ATP2C2: variants seen among roughly 807,000 people sequenced by gnomAD.
ATP2C2 encodes ATPase secretory pathway Ca2+ transporting 2, also known as calcium-transporting ATPase type 2C member 2.
In ATP2C2, 171 loss-of-function variants were observed where a neutral mutation model predicts 110.8. The ratio of observed to expected loss-of-function variants is 1.54; its 90% CI spans 1.36 to 1.75. The LOEUF (loss-of-function observed/expected upper bound fraction) is 1.75, where lower values mean the gene tolerates loss of function less well. ATP2C2 is among the 40% of genes most tolerant of loss of function. The probability of loss-of-function intolerance (pLI) is 0.00; values close to 1 mark genes in which losing one functional copy is unlikely to be tolerated. For missense variants in ATP2C2, 1,963 were observed against 1,235.0 expected (o/e 1.59, Z -8.84); for synonymous variants, 804 against 508.4 (o/e 1.58, Z -7.82).
Position 84,462,052 on chromosome 16 carries a change from C to T in ATP2C2, c.2645C>T (p.Ser882Phe). ...ATGTTCCTCTACTCCGTCCTGGGGT[C>T]CATCCTGGGGCAGCTGGCGGTCATT... is the stretch of plus-strand genomic sequence containing the variant. ...NHMFLYSVLG[S>F]ILGQLAVIYI... Residue 882 changes from serine (S) to phenylalanine (F), a missense_variant, in exon 26 of 27, where the codon TCC becomes TTC. Coordinates refer to ENST00000262429, the MANE Select transcript of ATP2C2 (RefSeq NM_014861.4). 1.9e-6 allele frequency: 3 copies of T among 1,614,104 alleles called. No homozygotes were observed. The highest frequency in any genetic ancestry group is 2.5e-6 in the Non-Finnish European group (3 of 1,179,980).
At chr16:84,433,119 C>T (rs1162301134) in intron 11 of ATP2C2, among the ~76,000 whole-genome samples, 1 of 152,172 alleles carries the variant, frequency 6.6e-6, no homozygotes, top group African/African-American at 2.4e-5. Context: ...GTGGCTCACA[C>T]CTGTAATCCT....
In ATP2C2 at chr16:84,368,656, G is replaced by C. The variant is rs1019657377; in HGVS notation, c.41G>C (p.Gly14Ala). The C allele has an allele frequency of 3.8e-6, 6 of 1,564,872 alleles. No individual in the cohort carries two copies. The highest frequency in any genetic ancestry group is 5.2e-6 in the Non-Finnish European group (6 of 1,156,860). Residue 14 changes from glycine (G) to alanine (A), a missense_variant, in exon 1 of 27, where the codon GGC (glycine) becomes GCC (alanine). Physicochemically the swap from Gly to Ala is moderately conservative, Grantham distance 60 (BLOSUM62 0). Transcript: ENST00000262429. The stretch of plus-strand genomic sequence containing the variant: ...GTCTCCGAGTTCCTGAAGAAACTCG[G>C]CTTCTCGGGCGGGGGCCGCCAGTAC... ...GRVSEFLKKL[G>A]FSGGGRQYQA...
At chr16:84,430,303 C>T (rs2875891) in intron 11 of ATP2C2, among the ~76,000 whole-genome samples, 45,820 of 152,074 alleles carry the variant, frequency 0.3, 7,238 homozygotes, top group Non-Finnish European at 0.35. Flanking sequence ...CCCGTCTACG[C>T]GAACGGCAAA....
intron 23 of ATP2C2, chr16:84,459,589 C>A (rs1399703949): frequency 6.5e-7 from 1 of 1,535,862 alleles, no homozygotes; most frequent in African/African-American, 1.4e-5. Context: ...GCCGGCAGAG[C>A]TGGGTGAGGA....
At chr16:84,412,399 T>C (rs1597789436) in intron 6 of ATP2C2, among the ~76,000 whole-genome samples, 3 of 139,058 alleles carry the variant, frequency 2.2e-5, no homozygotes, top group African/African-American at 8.0e-5. Flanking sequence ...TGTCTGTGTG[T>C]GTCTGTGCAT....
At chr16:84,426,659 G>C (rs1907839243) in intron 11 of ATP2C2, among the ~76,000 whole-genome samples, 1 of 152,148 alleles carries the variant, frequency 6.6e-6, no homozygotes, top group Non-Finnish European at 1.5e-5. Flanking sequence ...AAAGGAGTTA[G>C]TCTGTGCAAG....
chr16:84,422,783 T>G, intron 9 of ATP2C2, 86 bp downstream of exon 9: 1 of 1,371,542 alleles, frequency 7.3e-7, no homozygotes, highest in Non-Finnish European at 1.0e-6. Context: ...TGCCTACTCC[T>G]TAGGAATGAG....
In ATP2C2 at chr16:84,460,698, C is replaced by T. The variant is rs757310826; in HGVS notation, c.2378C>T (p.Pro793Leu). The T allele has an allele frequency of 8.7e-6, 14 of 1,614,208 alleles. No homozygotes were observed. In the South Asian group the frequency reaches 9.9e-5, roughly 11 times the overall value. Residue 793 changes from proline (P) to leucine (L), a missense_variant, in exon 24 of 27, where the codon CCA becomes CTA. Physicochemically the swap from Pro to Leu is moderately conservative, Grantham distance 98 (BLOSUM62 -3). Transcript: ENST00000262429. ...PVDKDAFRQP[P>L]RSVRDTILSR... ...GACAAAGACGCCTTCAGGCAGCCAC[C>T]ACGGAGTGTGCGGGACACCATCCTC... is the stretch of plus-strand genomic sequence containing the variant.
rs747291890 is a variant in ATP2C2 at position 84,459,411 on chromosome 16, CTG to C, written c.2333+29_2333+30del. On this transcript the variant is annotated intron_variant, in intron 23 of 26. Transcript: ENST00000262429. ...GGTGAGGCAGGGCCGGCTGGGAGCC[CTG>C]TGTCTCTTTACCCACCTGCGGGGCT... 6.2e-6 allele frequency: 10 copies of C among 1,610,890 alleles called. No homozygotes were observed. In the South Asian group the frequency reaches 9.9e-5, roughly 16 times the overall value.
chr16:84,432,013 G>A (rs548926217), intron 11 of ATP2C2, among the ~76,000 whole-genome samples: 3 of 152,278 alleles, frequency 2.0e-5, no homozygotes, highest in South Asian at 2.1e-4. Flanking sequence ...GTCTCCCGCC[G>A]AGCTGAAGAA....
In ATP2C2 at chr16:84,439,646, T is replaced by A. The variant is rs1385073950; in HGVS notation, c.1209+122T>A. On this transcript the variant is annotated intron_variant, in intron 13 of 26. Transcript: ENST00000262429. ...GAAGAAATAAATTGGGGTCATCTTA[T>A]AATCTCCTTGCTAACATGACTGATT... 6.4e-6 allele frequency: 6 copies of A among 936,620 alleles called. No individual in the cohort carries two copies. The African/African-American group carries it at 8.1e-5, about 13-fold the overall frequency. 58.0% of individuals were successfully genotyped at this position (936,620 alleles called of 1,614,324 possible).
intron 7 of ATP2C2, among the ~76,000 whole-genome samples, chr16:84,418,680 G>C (rs1465618015): frequency 6.6e-6 from 1 of 152,114 alleles, no homozygotes; most frequent in East Asian, 1.9e-4. Context: ...ACATGACCCC[G>C]GGCCTCTAGC....
At chr16:84,431,575 C>T (rs979469247) in intron 11 of ATP2C2, among the ~76,000 whole-genome samples, 2 of 151,346 alleles carry the variant, frequency 1.3e-5, no homozygotes, top group African/African-American at 2.4e-5. Flanking sequence ...GTTGAGGAGT[C>T]AGGAGATGAG....
intron 21 of ATP2C2, among the ~76,000 whole-genome samples, chr16:84,458,679 G>A (rs78078597): frequency 1.2e-3 from 178 of 152,296 alleles, no homozygotes; most frequent in Non-Finnish European, 1.9e-3. Flanking sequence ...AGAAGCAGGC[G>A]ATGTCCTTCA....
chr16:84,442,407 C>T (rs1482320844), intron 14 of ATP2C2, 103 bp from the exon 15 acceptor site: 1 of 1,063,760 alleles, frequency 9.4e-7, no homozygotes, highest in East Asian at 2.4e-5. Context: ...AAGAGCAAGT[C>T]TTGTCCCCAC....
Position 84,411,565 on chromosome 16 carries a change from C to T in ATP2C2, c.515+800C>T, listed in dbSNP as rs1906293312. 2.0e-5 allele frequency among the ~76,000 whole-genome samples: 3 copies of T among 152,086 alleles called. No homozygotes were observed. The South Asian group carries it at 6.2e-4, about 32-fold the overall frequency. On this transcript the variant is annotated intron_variant, in intron 6 of 26. Transcript: ENST00000262429. ...CAAGCAGTTCTCCTGCCTCAGCCTC[C>T]CAAATAGCTGGGACTACAGGCATGC...
chr16:84,454,153 G>T lies in ATP2C2; in HGVS notation c.1981-665G>T, dbSNP rs568132812. On this transcript the variant is annotated intron_variant, in intron 20 of 26. Coordinates refer to ENST00000262429, the MANE Select transcript of ATP2C2 (RefSeq NM_014861.4). ...TCCTTTTACTCAACTCCGTGCCTCC[G>T]TTTCCTCATCTGTAAAATGGGGGAA... is the stretch of plus-strand genomic sequence containing the variant. Among the ~76,000 whole-genome samples, 9 of 152,020 alleles carry T rather than the reference G, an allele frequency of 5.9e-5. No individual in the cohort carries two copies. In the South Asian group the frequency reaches 1.0e-3, roughly 17 times the overall value.
At chr16:84,458,600 A>C (rs889240064) in intron 21 of ATP2C2, among the ~76,000 whole-genome samples, 5 of 151,852 alleles carry the variant, frequency 3.3e-5, no homozygotes, top group Non-Finnish European at 5.9e-5. Context: ...ACGGTGCGTA[A>C]TTGTTTTTCT....
At chr16:84,455,045 C>T in intron 21 of ATP2C2, 61 bp downstream of exon 21, 3 of 1,509,002 alleles carry the variant, frequency 2.0e-6, no homozygotes, top group South Asian at 1.1e-5. Context: ...CAGCTTCTCC[C>T]TGGAACCTGC....
Sources: gnomAD v4.1 joint callset for allele counts (sites outside exome capture counted in the v4.1 genomes callset) on GRCh38, gnomAD v4.1.1 for gene constraint, MANE v1.5 for transcripts, NCBI Gene and HGNC (gene_info 2026-07-23, HGNC 2026-07-21) for gene names.